TNR: variants seen among roughly 807,000 people sequenced by gnomAD.
The protein encoded by TNR is tenascin R, also known as tenascin-R.
In TNR, 45 loss-of-function variants were observed where a neutral mutation model predicts 150.4. That is an observed-to-expected ratio of 0.30 (90% CI 0.24 to 0.38). TNR has a LOEUF of 0.38. TNR is among the 10% of genes least tolerant of loss of function. The pLI, the probability that TNR is intolerant of heterozygous loss-of-function variation, is 1.00. For synonymous variants in TNR, 687 were observed against 678.4 expected (o/e 1.01, Z -0.20); for missense variants, 1,544 against 1,759.1 (o/e 0.88, Z 2.19).
chr1:175,340,727 C>T (rs1049333081), intron 18 of TNR, among the ~76,000 whole-genome samples: 3 of 152,212 alleles, frequency 2.0e-5, no homozygotes, highest in African/African-American at 7.2e-5. Context: ...GGCACATTTT[C>T]CTCTTCTCTA....
intron 2 of TNR, among the ~76,000 whole-genome samples, chr1:175,494,731 C>A (rs1162006168): frequency 6.6e-6 from 1 of 152,232 alleles, no homozygotes; most frequent in South Asian, 2.1e-4. Flanking sequence ...AACAGTGGCA[C>A]ACCATGTATC....
intron 21 of TNR, 39 bp downstream of exon 21, chr1:175,330,035 G>A: frequency 6.8e-7 from 1 of 1,468,078 alleles, no homozygotes; most frequent in Non-Finnish European, 9.1e-7. Flanking sequence ...CTTGTCCCAT[G>A]CCCACTGTCC....
At chr1:175,331,319 AG>A (rs1209314310) in intron 20 of TNR, among the ~76,000 whole-genome samples, 2 of 125,514 alleles carry the variant, frequency 1.6e-5, no homozygotes, top group African/African-American at 6.1e-5. Context: ...GCTGGAGTGG[AG>A]TGGCACAATC....
chr1:175,533,651 C>T (rs563583626), intron 1 of TNR, among the ~76,000 whole-genome samples: 1 of 152,120 alleles, frequency 6.6e-6, no homozygotes, highest in Non-Finnish European at 1.5e-5. Context: ...CAGACAGAGT[C>T]CATAATTATC....
At chr1:175,685,639 T>C (rs561318412) in intron 1 of TNR, among the ~76,000 whole-genome samples, 2 of 152,154 alleles carry the variant, frequency 1.3e-5, no homozygotes, top group African/African-American at 4.8e-5. Context: ...AGGAAAAAAA[T>C]AGTCAAAGTC....
At chr1:175,708,018 T>TTG (rs10676470) in intron 1 of TNR, among the ~76,000 whole-genome samples, 7,238 of 144,672 alleles carry the variant, frequency 0.05, 195 homozygotes, top group East Asian at 0.12. Context: ...ATGTGTGTGT[T>TTG]TGTGTGTGTG....
intron 1 of TNR, among the ~76,000 whole-genome samples, chr1:175,582,796 C>T (rs940052783): frequency 2.0e-5 from 3 of 152,050 alleles, no homozygotes; most frequent in Admixed American, 6.5e-5. Flanking sequence ...GAGGTGGAAC[C>T]TTTACAAGGT....
chr1:175,360,135 G>A (rs1651525490), intron 14 of TNR, among the ~76,000 whole-genome samples: 1 of 152,100 alleles, frequency 6.6e-6, no homozygotes, highest in Non-Finnish European at 1.5e-5. Context: ...TACTTCCCAG[G>A]CTATTTGCAC....
intron 2 of TNR, among the ~76,000 whole-genome samples, chr1:175,426,654 C>G (rs1654979825): frequency 6.6e-6 from 1 of 151,594 alleles, no homozygotes; most frequent in African/African-American, 2.4e-5. Flanking sequence ...AAGGGATGTT[C>G]AAGCACTTTT....
chr1:175,344,651 A>C (rs955147426), intron 18 of TNR, among the ~76,000 whole-genome samples: 1 of 152,230 alleles, frequency 6.6e-6, no homozygotes, highest in Non-Finnish European at 1.5e-5. Flanking sequence ...AAAGTTGTGC[A>C]AGATAAAATG....
intron 4 of TNR, among the ~76,000 whole-genome samples, chr1:175,402,817 C>T (rs1653775905): frequency 6.6e-6 from 1 of 152,178 alleles, no homozygotes; most frequent in East Asian, 1.9e-4. Flanking sequence ...CCCATGACTT[C>T]ACTGTCTACC....
intron 2 of TNR, among the ~76,000 whole-genome samples, chr1:175,461,628 A>G (rs1276786867): frequency 6.6e-6 from 1 of 152,166 alleles, no homozygotes; most frequent in African/African-American, 2.4e-5. Context: ...TTTCTGTGAC[A>G]TCTCTTGGAA....
At chr1:175,582,456 GA>G (rs1662389347) in intron 1 of TNR, among the ~76,000 whole-genome samples, 1 of 152,226 alleles carries the variant, frequency 6.6e-6, no homozygotes, top group Admixed American at 6.5e-5. Context: ...ATCACACAGA[GA>G]AGAGGTAGGA....
At chr1:175,518,945 T>C (rs2102167411) in intron 2 of TNR, among the ~76,000 whole-genome samples, 1 of 152,340 alleles carries the variant, frequency 6.6e-6, no homozygotes, top group South Asian at 2.1e-4. Flanking sequence ...TTGATAAAGC[T>C]ACAGGCATCT....
intron 2 of TNR, among the ~76,000 whole-genome samples, chr1:175,512,527 G>T (rs2102160632): frequency 6.6e-6 from 1 of 152,320 alleles, no homozygotes; most frequent in East Asian, 1.9e-4. Context: ...ATGGAGAGAT[G>T]AGTACTATAA....
chr1:175,633,583 T>G (rs1039540029), intron 1 of TNR, among the ~76,000 whole-genome samples: 1 of 152,180 alleles, frequency 6.6e-6, no homozygotes, highest in Non-Finnish European at 1.5e-5. Context: ...CTACCTAAAT[T>G]ATTTAATTAC....
intron 2 of TNR, among the ~76,000 whole-genome samples, chr1:175,421,811 A>C (rs2102062623): frequency 6.6e-6 from 1 of 152,302 alleles, no homozygotes; most frequent in Admixed American, 6.5e-5. Context: ...AGCTAAACTG[A>C]TCAGATATGA....
chr1:175,437,290 C>T lies in TNR; in HGVS notation c.-63-30513G>A, dbSNP rs546795579. Among the ~76,000 whole-genome samples the T allele has an allele frequency of 3.3e-3, 505 of 152,162 alleles. 1 individual carries two copies. Among genetic ancestry groups the T allele is most frequent in the African/African-American group, 0.012 (495 of 41,512 alleles). ...TCCTGAATGACTACTGGGTACATAACGAAATGAAGGCAGAAATAAAGATGT... is the reference window on the plus strand; with the variant it reads ...TCCTGAATGACTACTGGGTACATAATGAAATGAAGGCAGAAATAAAGATGT... On this transcript the variant is annotated intron_variant, in intron 2 of 22. Transcript: ENST00000367674.
chr1:175,582,765 T>G (rs1276287830), intron 1 of TNR, among the ~76,000 whole-genome samples: 1 of 152,206 alleles, frequency 6.6e-6, no homozygotes, highest in African/African-American at 2.4e-5. Flanking sequence ...TGAAATTTAA[T>G]TGCCATTGTA....
Sources: gnomAD v4.1 joint callset for allele counts (sites outside exome capture counted in the v4.1 genomes callset) on GRCh38, gnomAD v4.1.1 for gene constraint, MANE v1.5 for transcripts, NCBI Gene and HGNC (gene_info 2026-07-23, HGNC 2026-07-21) for gene names.